Variants in GFRA3 observed in about 807,000 individuals in gnomAD.
The protein encoded by GFRA3 is GDNF family receptor alpha-3.
In GFRA3, 24 loss-of-function variants were observed where a neutral mutation model predicts 40.0. The observed-to-expected ratio is 0.60, with a 90% CI of 0.43 to 0.84. GFRA3 has a LOEUF of 0.84. Ranked by LOEUF, GFRA3 falls within the 40% of genes least tolerant of loss-of-function variation. GFRA3 has a pLI of 0.00. For synonymous variants in GFRA3, 203 were observed against 213.5 expected (o/e 0.95, Z 0.43); for missense variants, 405 against 530.6 (o/e 0.76, Z 2.33).
At position 138,269,504 on chromosome 5, in the gene GFRA3, G is replaced by A. The variant is rs184781371; in HGVS notation, c.91+4830C>T. Among the ~76,000 whole-genome samples the A allele has an allele frequency of 2.2e-3, 294 of 136,636 alleles. 1 individual carries two copies. The highest frequency in any genetic ancestry group is 7.0e-3 in the African/African-American group (253 of 36,316). The allele number at this position is 136,636 out of a possible 152,430, so 89.6% of individuals were successfully genotyped here. On this transcript the variant is annotated intron_variant, in intron 1 of 7. Coordinates refer to ENST00000274721, the MANE Select transcript of GFRA3 (RefSeq NM_001496.4). ...TGAGCCGAGATCAAGCCATTGCACT[G>A]AAGCCTGGGGCACAAGAGCGAAACT... is the stretch of plus-strand genomic sequence containing the variant.
In GFRA3 at chr5:138,255,011, G is replaced by T. The variant is rs182803187; in HGVS notation, c.786-851C>A. 6.9e-3 allele frequency among the ~76,000 whole-genome samples: 939 copies of T among 135,532 alleles called. 2 individuals are homozygous for T. Among genetic ancestry groups the T allele is most frequent in the South Asian group, 0.013 (50 of 3,728 alleles). 88.9% of individuals were successfully genotyped at this position (135,532 alleles called of 152,430 possible). ...AAAGAGAGAAGAGAAGAGAAGGAAG[G>T]AAGGAGAGAGAGAGGAAGGAAGGAA... is the stretch of plus-strand genomic sequence containing the variant. On this transcript the variant is annotated intron_variant, in intron 4 of 7. Coordinates refer to ENST00000274721, the MANE Select transcript of GFRA3 (RefSeq NM_001496.4).
At chr5:138,261,155 T>C (rs1005278158) in intron 2 of GFRA3, among the ~76,000 whole-genome samples, 4 of 152,214 alleles carry the variant, frequency 2.6e-5, no homozygotes, top group Non-Finnish European at 4.4e-5. Context: ...GCTGGAAAGA[T>C]GGCAGTCTTC....
chr5:138,269,271 T>A (rs1282964936), intron 1 of GFRA3, among the ~76,000 whole-genome samples: 2 of 150,840 alleles, frequency 1.3e-5, no homozygotes, highest in Non-Finnish European at 3.0e-5. Flanking sequence ...GCGTGGTGGC[T>A]CACCCCGTAA....
rs184664025 is a variant in GFRA3 at position 138,263,319 on chromosome 5, G to C, written c.379+942C>G. On this transcript the variant is annotated intron_variant, in intron 2 of 7. Coordinates refer to ENST00000274721, the MANE Select transcript of GFRA3 (RefSeq NM_001496.4). ...GGGCATCTTCCATGGAAAATAGGTG[G>C]GTATATTTTACTTGCAGAAGGGAGA... Among the ~76,000 whole-genome samples, 277 of 152,130 alleles carry C rather than the reference G, an allele frequency of 1.8e-3. 1 individual carries two copies. Among genetic ancestry groups the C allele is most frequent in the African/African-American group, 6.4e-3 (267 of 41,498 alleles).
intron 2 of GFRA3, among the ~76,000 whole-genome samples, chr5:138,260,943 C>G (rs191457312): frequency 1.3e-5 from 2 of 152,092 alleles, no homozygotes; most frequent in African/African-American, 4.8e-5. Flanking sequence ...ATCACTTGAG[C>G]CCAGGAGGTT....
intron 3 of GFRA3, among the ~76,000 whole-genome samples, chr5:138,259,050 C>A (rs191940769): frequency 6.6e-5 from 10 of 152,280 alleles, no homozygotes; most frequent in Non-Finnish European, 1.2e-4. Flanking sequence ...GCCTCACTTT[C>A]CTGAAAAACA....
intron 1 of GFRA3, chr5:138,267,897 C>G (rs891128177): frequency 6.6e-6 from 1 of 152,156 alleles, no homozygotes; most frequent in Non-Finnish European, 1.5e-5. Flanking sequence ...GAAAGAACAG[C>G]CTTTTCAACA....
chr5:138,253,657 T>C (rs967124540), intron 6 of GFRA3, 109 bp downstream of exon 6: 7 of 1,011,828 alleles, frequency 6.9e-6, no homozygotes, highest in Admixed American at 4.3e-5. Context: ...AACTGCTCTG[T>C]TTGGTGGAGA....
At chr5:138,274,211 C>T in intron 1 of GFRA3, 123 bp downstream of exon 1, 2 of 1,243,444 alleles carry the variant, frequency 1.6e-6, no homozygotes, top group Non-Finnish European at 2.0e-6. Flanking sequence ...TCCAGTTCCC[C>T]TTGTTCGGCT....
intron 2 of GFRA3, among the ~76,000 whole-genome samples, chr5:138,261,715 A>AAG (rs1755713466): frequency 6.6e-6 from 1 of 150,904 alleles, no homozygotes; most frequent in Non-Finnish European, 1.5e-5. Context: ...AAAAAAAAAA[A>AAG]AAGAAGAAGA....
chr5:138,273,873 GT>G (rs1460869354), intron 1 of GFRA3, among the ~76,000 whole-genome samples: 1 of 152,234 alleles, frequency 6.6e-6, no homozygotes, highest in Non-Finnish European at 1.5e-5. Context: ...AAACAAGTCA[GT>G]TTTAACGAAC....
At chr5:138,269,130 C>A (rs950960534) in intron 1 of GFRA3, among the ~76,000 whole-genome samples, 1 of 152,014 alleles carries the variant, frequency 6.6e-6, no homozygotes, top group Admixed American at 6.6e-5. Flanking sequence ...ATCAAAAAAT[C>A]AAAAAACAGT....
Position 138,256,532 on chromosome 5 carries a change from A to C in GFRA3, c.785+1107T>G, listed in dbSNP as rs546640882. 3.4e-3 allele frequency among the ~76,000 whole-genome samples: 514 copies of C among 150,838 alleles called. 6 individuals carry two copies. The highest frequency in any genetic ancestry group is 0.011 in the South Asian group (50 of 4,758). On this transcript the variant is annotated intron_variant, in intron 4 of 7. Coordinates refer to ENST00000274721, the MANE Select transcript of GFRA3 (RefSeq NM_001496.4). ...GACAGAGAGAGACTCCATCTCAAAA[A>C]AAACAAACAAAAAAAAACAAACAAA... is the stretch of plus-strand genomic sequence containing the variant.
intron 1 of GFRA3, chr5:138,266,935 G>C (rs1394596487): frequency 2.6e-5 from 4 of 152,160 alleles, no homozygotes; most frequent in Admixed American, 1.3e-4. Flanking sequence ...ACCCACCTTG[G>C]CCTTCCAAAG....
At chr5:138,253,460 G>T in intron 6 of GFRA3, 85 bp from the exon 7 acceptor site, 1 of 882,458 alleles carries the variant, frequency 1.1e-6, no homozygotes, top group African/African-American at 1.6e-5. Context: ...GAATGCCACA[G>T]GGACCCTGGG....
chr5:138,258,447 G>A (rs1755666969), intron 3 of GFRA3, among the ~76,000 whole-genome samples: 1 of 152,006 alleles, frequency 6.6e-6, no homozygotes, highest in South Asian at 2.1e-4. Context: ...CTCCCAAAGT[G>A]CTGGGATTAC....
At chr5:138,267,642 C>T (rs376697274) in intron 1 of GFRA3, 32 of 208,876 alleles carry the variant, frequency 1.5e-4, no homozygotes, top group Non-Finnish European at 2.8e-4. Flanking sequence ...AGTCTTTACT[C>T]GTCAGAAGGA....
intron 1 of GFRA3, among the ~76,000 whole-genome samples, chr5:138,272,181 A>AT (rs1046854737): frequency 6.7e-6 from 1 of 148,738 alleles, no homozygotes; most frequent in Non-Finnish European, 1.5e-5. Context: ...AATTTTTTCT[A>AT]TTTTTTAGTA....
At position 138,264,407 on chromosome 5, in the gene GFRA3, T is replaced by A. The variant is rs375397145; in HGVS notation, c.233A>T (p.Glu78Val). Residue 78 changes from glutamate to valine, a missense_variant, in exon 2 of 8, where the codon GAG becomes GTG. Physicochemically the swap from Glu to Val is moderately radical, Grantham distance 121. Transcript: ENST00000274721. ...TSSISTPLPS[E>V]EPSVPADCLE... ...GCAGTCAGCAGGGACCGAAGGCTCC[T>A]CTGAGGGCAGTGGGGTGCTTATGCT... The A allele has an allele frequency of 1.2e-6, 2 of 1,613,998 alleles. No homozygotes were observed. Among genetic ancestry groups the A allele is most frequent in the African/African-American group, 2.7e-5 (2 of 74,916 alleles).
Sources: gnomAD v4.1 joint callset for allele counts (sites outside exome capture counted in the v4.1 genomes callset) on GRCh38, gnomAD v4.1.1 for gene constraint, MANE v1.5 for transcripts, NCBI Gene and HGNC (gene_info 2026-07-23, HGNC 2026-07-21) for gene names.